Variants in FGD4 observed in about 807,000 individuals in gnomAD.
FGD4 encodes FYVE, RhoGEF and PH domain-containing protein 4.
Under a neutral mutation model 102.0 loss-of-function variants are expected in FGD4, and 42 were observed. That is an observed-to-expected ratio of 0.41 (90% CI 0.32 to 0.53). The LOEUF is 0.53. Ranked by LOEUF, FGD4 falls within the 20% of genes least tolerant of loss-of-function variation. FGD4 has a pLI of 0.21. For missense variants in FGD4, 902 were observed against 1,078.2 expected, an observed-to-expected ratio of 0.84 and a Z score of 2.29; for synonymous variants, 380 against 375.7, an observed-to-expected ratio of 1.01 and a Z score of -0.13.
At chr12:32,417,287 G>T (rs1279683809) in intron 1 of FGD4, among the ~76,000 whole-genome samples, 1 of 152,104 alleles carries the variant, frequency 6.6e-6, no homozygotes, top group Non-Finnish European at 1.5e-5. Flanking sequence ...GTTTGTCTGG[G>T]AAAGTCTTTA....
chr12:32,427,227 C>A (rs942862164), intron 1 of FGD4, among the ~76,000 whole-genome samples: 1 of 152,216 alleles, frequency 6.6e-6, no homozygotes, highest in African/African-American at 2.4e-5. Flanking sequence ...CCTCTAAACA[C>A]TGCTTTAGCT....
chr12:32,581,602 A>AT (rs1946623764), intron 3 of FGD4, among the ~76,000 whole-genome samples: 1 of 152,242 alleles, frequency 6.6e-6, no homozygotes. Context: ...CGTAAGTATT[A>AT]TATCTAACTA....
At position 32,625,040 on chromosome 12, in the gene FGD4, A is replaced by G. The variant is rs1950064030; in HGVS notation, c.2018A>G (p.Lys673Arg). 1 of 1,613,138 alleles carries G rather than the reference A, an allele frequency of 6.2e-7. No homozygotes were observed. Among genetic ancestry groups the G allele is most frequent in the African/African-American group, 1.3e-5 (1 of 74,896 alleles). ...RHETFRNAIA[K>R]DNDIHSEVST... ...GAAACCTTCAGAAATGCAATTGCAA[A>G]GGATAATGACATTCACTCAGAGGTT... Residue 673 changes from lysine (K) to arginine (R), a missense_variant, in exon 13 of 17, where the codon AAG becomes AGG. Physicochemically the swap from Lys to Arg is conservative, Grantham distance 26. This residue lies in a region of FGD4 where 459 missense variants were observed against 619.0 expected (regional missense o/e 0.74). Transcript: ENST00000534526.
intron 1 of FGD4, among the ~76,000 whole-genome samples, chr12:32,444,866 A>G (rs1942566229): frequency 1.3e-5 from 2 of 152,220 alleles, no homozygotes; most frequent in South Asian, 2.1e-4. Flanking sequence ...ATTTGTAATA[A>G]TGTAAATGCT....
At chr12:32,501,986 C>A in intron 1 of FGD4, 3 of 966,990 alleles carry the variant, frequency 3.1e-6, no homozygotes, top group Non-Finnish European at 3.7e-6. Flanking sequence ...ACCTGCTAGG[C>A]AAGCCCTGCG....
At chr12:32,419,252 C>G (rs1365239194) in intron 1 of FGD4, among the ~76,000 whole-genome samples, 3 of 152,168 alleles carry the variant, frequency 2.0e-5, no homozygotes, top group Non-Finnish European at 4.4e-5. Context: ...CTGCTTTTCT[C>G]AAACAGGAGT....
At chr12:32,540,642 C>T (rs1234619190) in intron 1 of FGD4, among the ~76,000 whole-genome samples, 4 of 151,332 alleles carry the variant, frequency 2.6e-5, no homozygotes, top group Middle Eastern at 3.4e-3. Context: ...CTCAGCTCAC[C>T]GCAACCTCCA....
At chr12:32,639,406 C>T (rs1019261008) in intron 16 of FGD4, among the ~76,000 whole-genome samples, 2 of 152,278 alleles carry the variant, frequency 1.3e-5, no homozygotes, top group Non-Finnish European at 1.5e-5. Context: ...TCAGGTGATC[C>T]GCCCACCTCG....
intron 1 of FGD4, among the ~76,000 whole-genome samples, chr12:32,464,765 T>A: frequency 6.6e-6 from 1 of 152,234 alleles, no homozygotes; most frequent in East Asian, 1.9e-4. Flanking sequence ...GGTCATAGTT[T>A]CATAAATGAT....
chr12:32,573,374 C>T (rs567179562), intron 2 of FGD4, among the ~76,000 whole-genome samples: 19 of 152,322 alleles, frequency 1.2e-4, no homozygotes, highest in African/African-American at 3.1e-4. Flanking sequence ...GGATTACAGG[C>T]GTGAGCCGCC....
chr12:32,579,039 G>GT (rs35186090), intron 3 of FGD4, among the ~76,000 whole-genome samples: 16,895 of 65,720 alleles, frequency 0.26, 2,892 homozygotes, highest in East Asian at 0.38. Context: ...AACATTAGTG[G>GT]TTTTTTTTTT....
At chr12:32,559,481 TCAC>T (rs1374102361) in intron 1 of FGD4, among the ~76,000 whole-genome samples, 2 of 152,240 alleles carry the variant, frequency 1.3e-5, no homozygotes, top group Admixed American at 6.5e-5. Context: ...TCTGTGTCCT[TCAC>T]CATGTTTTCA....
rs777608120 is a variant in FGD4 at position 32,625,096 on chromosome 12, A to G, written c.2046+28A>G. The G allele has an allele frequency of 3.8e-5, 60 of 1,568,406 alleles. No individual in the cohort carries two copies. In the Middle Eastern group the frequency reaches 8.4e-4, roughly 22 times the overall value. On this transcript the variant is annotated intron_variant, in intron 13 of 16. Transcript: ENST00000534526. The stretch of plus-strand genomic sequence containing the variant: ...GAGTTGAATTAAATTCTTAACTTCA[A>G]CCTCTTTCATATCTTTGCAGGTGTA...
At chr12:32,400,379 T>A (rs1477924197) in intron 1 of FGD4, among the ~76,000 whole-genome samples, 4 of 152,180 alleles carry the variant, frequency 2.6e-5, no homozygotes, top group Non-Finnish European at 4.4e-5. Flanking sequence ...TCTGACAACC[T>A]AGGTGTGGTG....
At chr12:32,543,775 C>T (rs1411344657) in intron 1 of FGD4, among the ~76,000 whole-genome samples, 16 of 151,996 alleles carry the variant, frequency 1.1e-4, no homozygotes, top group Admixed American at 3.9e-4. Context: ...TACAGATGCC[C>T]GCCACCACGC....
At chr12:32,523,674 C>G (rs963133448) in intron 1 of FGD4, among the ~76,000 whole-genome samples, 1 of 152,216 alleles carries the variant, frequency 6.6e-6, no homozygotes. Context: ...GATTTACATT[C>G]AGAAAATACA....
intron 1 of FGD4, chr12:32,485,867 T>C (rs1225075018): frequency 1.6e-6 from 2 of 1,238,402 alleles, no homozygotes; most frequent in African/African-American, 3.1e-5. Context: ...TCAGTACATT[T>C]TGAAACACCT....
intron 3 of FGD4, among the ~76,000 whole-genome samples, chr12:32,581,511 A>G (rs1946612349): frequency 6.6e-6 from 1 of 152,226 alleles, no homozygotes; most frequent in East Asian, 1.9e-4. Context: ...TTGTTCATAA[A>G]TTAAGGACTG....
chr12:32,620,242 T>A (rs1290476359), intron 11 of FGD4, among the ~76,000 whole-genome samples: 1 of 152,188 alleles, frequency 6.6e-6, no homozygotes, highest in African/African-American at 2.4e-5. Flanking sequence ...TGCTTATTAT[T>A]CCATGCTAAT....
Sources: allele counts gnomAD v4.1 joint callset (sites outside exome capture counted in the v4.1 genomes callset), GRCh38; gene constraint gnomAD v4.1.1; regional missense constraint gnomAD v4.1.1; transcripts MANE v1.5; gene names NCBI Gene and HGNC (gene_info 2026-07-23, HGNC 2026-07-21).